CATSPERB: variants seen among roughly 807,000 people sequenced by gnomAD.
CATSPERB encodes catsper channel auxiliary subunit beta.
A neutral mutation model predicts 128.3 loss-of-function variants in CATSPERB; 93 were observed. The observed-to-expected ratio is 0.72, with a 90% confidence interval of 0.61 to 0.86. The LOEUF (loss-of-function observed/expected upper bound fraction) is 0.86. Among genes scored for constraint, CATSPERB ranks in the 40% least tolerant of loss-of-function variants. The pLI, the probability that CATSPERB is intolerant of heterozygous loss-of-function variation, is 0.00. For missense variants in CATSPERB, 1,153 were observed against 1,329.5 expected, an observed-to-expected ratio of 0.87 and a Z score of 2.06; for synonymous variants, 381 against 448.8, an observed-to-expected ratio of 0.85 and a Z score of 1.91.
chr14:91,703,346 ATGGAG>A (rs994146929), intron 7 of CATSPERB, among the ~76,000 whole-genome samples: 17 of 152,266 alleles, frequency 1.1e-4, no homozygotes, highest in African/African-American at 4.1e-4. Context: ...TTCCTGCATG[ATGGAG>A]TGCTAGGAAC....
At chr14:91,608,811 A>G (rs1893764431) in intron 21 of CATSPERB, among the ~76,000 whole-genome samples, 1 of 152,160 alleles carries the variant, frequency 6.6e-6, no homozygotes, top group Non-Finnish European at 1.5e-5. Flanking sequence ...ACAAGGCAAA[A>G]GTTAAAATTA....
chr14:91,623,530 A>G (rs1449186817), intron 18 of CATSPERB, among the ~76,000 whole-genome samples: 1 of 152,230 alleles, frequency 6.6e-6, no homozygotes, highest in East Asian at 1.9e-4. Flanking sequence ...TCTCTAGCCC[A>G]GCCATCTTCC....
intron 7 of CATSPERB, among the ~76,000 whole-genome samples, chr14:91,693,795 A>C (rs921159912): frequency 6.6e-6 from 1 of 152,204 alleles, no homozygotes; most frequent in Non-Finnish European, 1.5e-5. Context: ...GAATATGCCA[A>C]ATATGCCACT....
Position 91,673,079 on chromosome 14 carries a change from T to A in CATSPERB, c.979-63A>T, listed in dbSNP as rs942339645. The A allele has an allele frequency of 4.4e-6, 6 of 1,354,108 alleles. No homozygotes were observed. In the Admixed American group the frequency reaches 1.6e-4, roughly 35 times the overall value. The allele number at this position is 1,354,108 out of a possible 1,614,324, so 83.9% of individuals were successfully genotyped here. Reference sequence around the variant, plus strand: ...GAAATATAAGTTCTAATTCTCTTAGTGAAACTAGCCCACTTGTTCATAGAA... The same window carrying A: ...GAAATATAAGTTCTAATTCTCTTAGAGAAACTAGCCCACTTGTTCATAGAA... On this transcript the variant is annotated intron_variant, in intron 12 of 26. Transcript: ENST00000256343.
intron 11 of CATSPERB, among the ~76,000 whole-genome samples, chr14:91,680,947 T>C (rs1895270082): frequency 1.3e-5 from 2 of 152,142 alleles, no homozygotes; most frequent in South Asian, 2.1e-4. Context: ...TATTGACCAC[T>C]ATTAATTATC....
intron 11 of CATSPERB, among the ~76,000 whole-genome samples, chr14:91,678,218 T>G (rs1895223821): frequency 3.3e-5 from 5 of 152,200 alleles, no homozygotes; most frequent in Admixed American, 6.5e-5. Flanking sequence ...CGTTCTGCAC[T>G]TGTATCCTGG....
chr14:91,636,724 T>C (rs1376588712), intron 16 of CATSPERB, 145 bp from the exon 17 acceptor site: 9 of 722,010 alleles, frequency 1.2e-5, no homozygotes, highest in African/African-American at 5.3e-5. Flanking sequence ...ACGTGTTCTG[T>C]TGGAACATCC....
chr14:91,666,641 C>A (rs1306567483), intron 14 of CATSPERB, among the ~76,000 whole-genome samples: 1 of 152,136 alleles, frequency 6.6e-6, no homozygotes, highest in African/African-American at 2.4e-5. Flanking sequence ...GTGGCGGTGG[C>A]CGTCTTAGTG....
chr14:91,631,147 T>C (rs1365674366), intron 17 of CATSPERB, among the ~76,000 whole-genome samples: 1 of 152,262 alleles, frequency 6.6e-6, no homozygotes, highest in Non-Finnish European at 1.5e-5. Context: ...GTTTATCACC[T>C]GTATCTGTTT....
At chr14:91,592,288 T>C in intron 22 of CATSPERB, 1 of 400,646 alleles carries the variant, frequency 2.5e-6, no homozygotes, top group East Asian at 5.8e-5. Flanking sequence ...GAATTCTGCA[T>C]CCCAGGACTA....
At chr14:91,604,948 C>T in intron 22 of CATSPERB, 1 of 1,175,784 alleles carries the variant, frequency 8.5e-7, no homozygotes, top group Non-Finnish European at 1.3e-6. Context: ...GTTCTTGCAT[C>T]TGCTGGAGGC....
At chr14:91,605,084 G>A in intron 22 of CATSPERB, 1 of 1,239,520 alleles carries the variant, frequency 8.1e-7, no homozygotes, top group Non-Finnish European at 1.2e-6. Context: ...CTTCTCTGCA[G>A]AAGTGGGTTG....
intron 10 of CATSPERB, among the ~76,000 whole-genome samples, chr14:91,689,282 C>T (rs1325713134): frequency 6.6e-6 from 1 of 152,190 alleles, no homozygotes; most frequent in Non-Finnish European, 1.5e-5. Flanking sequence ...CTTCCCAGTC[C>T]TCTACTCCCC....
At chr14:91,653,856 C>T (rs1172518610) in intron 15 of CATSPERB, among the ~76,000 whole-genome samples, 2 of 152,172 alleles carry the variant, frequency 1.3e-5, no homozygotes, top group African/African-American at 4.8e-5. Context: ...ATCAAGCCCT[C>T]ATAAGTGAAG....
intron 14 of CATSPERB, among the ~76,000 whole-genome samples, chr14:91,664,265 T>C (rs866153295): frequency 0.17 from 23,416 of 135,398 alleles, 2,483 homozygotes; most frequent in African/African-American, 0.24. Flanking sequence ...ATGTCTTTTT[T>C]TTTTTTTTTT....
intron 5 of CATSPERB, 69 bp downstream of exon 5, chr14:91,719,349 T>C: frequency 9.0e-7 from 1 of 1,109,996 alleles, no homozygotes; most frequent in Non-Finnish European, 1.3e-6. Flanking sequence ...AGATAATAAA[T>C]TCTTTTTGTT....
chr14:91,636,524 T>C lies in CATSPERB; in HGVS notation c.1643A>G (p.Glu548Gly), dbSNP rs373918129. 2.4e-5 allele frequency: 39 copies of C among 1,613,850 alleles called. No individual in the cohort carries two copies. In the African/African-American group the frequency reaches 4.0e-4, roughly 17 times the overall value. ...AGGTACATATGCAAAAAAGATAATT[T>C]CATCTAAGGAGGTGTGCTGTGGGGC... is the stretch of plus-strand genomic sequence containing the variant. ...ALAPQHTSLD[E>G]IIFFAYVPEN... Residue 548 changes from glutamate (E) to glycine (G), a missense_variant, in exon 17 of 27, where the codon GAA becomes GGA. Glu to Gly is a moderately conservative substitution (Grantham distance 98). Coordinates refer to ENST00000256343, the MANE Select transcript of CATSPERB (RefSeq NM_024764.4).
intron 3 of CATSPERB, 74 bp downstream of exon 3, chr14:91,725,006 C>CA: frequency 1.6e-6 from 1 of 613,078 alleles, no homozygotes; most frequent in Non-Finnish European, 2.7e-6. Flanking sequence ...GGAAAGAATA[C>CA]AATGCTATTG....
chr14:91,655,852 C>T (rs1480675802), intron 15 of CATSPERB, among the ~76,000 whole-genome samples: 2 of 152,048 alleles, frequency 1.3e-5, no homozygotes, highest in Non-Finnish European at 2.9e-5. Context: ...GGTAACAGAA[C>T]ACCAAACAGA....
Sources: gnomAD v4.1 joint callset for allele counts (sites outside exome capture counted in the v4.1 genomes callset) on GRCh38, gnomAD v4.1.1 for gene constraint, MANE v1.5 for transcripts, NCBI Gene and HGNC (gene_info 2026-07-23, HGNC 2026-07-21) for gene names.